Variants in ZSCAN25 observed in about 807,000 individuals in gnomAD.
ZSCAN25 encodes zinc finger and SCAN domain-containing protein 25.
Under a neutral mutation model 38.7 loss-of-function variants are expected in ZSCAN25, and 27 were observed. That is an observed-to-expected ratio of 0.70 (90% confidence interval 0.51 to 0.96). The LOEUF (loss-of-function observed/expected upper bound fraction) is 0.96, where lower values mean the gene tolerates loss of function less well. Ranked by LOEUF, ZSCAN25 falls within the 40% of genes least tolerant of loss-of-function variation. The pLI, the probability that ZSCAN25 is intolerant of heterozygous loss-of-function variation, is 0.00. For missense variants in ZSCAN25, 637 were observed against 705.9 expected (o/e 0.90, Z 1.11); for synonymous variants, 273 against 277.7 (o/e 0.98, Z 0.17).
At chr7:99,617,269 C>A (rs868514988) in intron 1 of ZSCAN25, among the ~76,000 whole-genome samples, 5 of 152,240 alleles carry the variant, frequency 3.3e-5, no homozygotes, top group African/African-American at 9.6e-5. Context: ...CCCGCTCTGC[C>A]AGGCTTGGCT....
the ZSCAN25 span, among the ~76,000 whole-genome samples, chr7:99,641,399 G>A: frequency 2.6e-5 from 4 of 152,178 alleles, no homozygotes; most frequent in African/African-American, 7.2e-5. Context: ...ACCTTCCTTC[G>A]GGTCCCTCCT....
the ZSCAN25 span, among the ~76,000 whole-genome samples, chr7:99,708,807 T>C: frequency 1.4e-4 from 22 of 152,338 alleles, no homozygotes; most frequent in African/African-American, 5.3e-4. Flanking sequence ...AAGGACATAA[T>C]TGAGGACCTT....
the ZSCAN25 span, chr7:99,735,220 T>C: frequency 7.7e-7 from 1 of 1,305,778 alleles, no homozygotes; most frequent in South Asian, 1.2e-5. Context: ...TGTTGGATTG[T>C]TTATATGCTG....
chr7:99,657,727 T>C, the ZSCAN25 span, among the ~76,000 whole-genome samples: 1 of 152,222 alleles, frequency 6.6e-6, no homozygotes, highest in Non-Finnish European at 1.5e-5. Context: ...TAACTCTCTT[T>C]GTAAGTCTCT....
At chr7:99,634,540 A>C (rs10231168), downstream of ZSCAN25, among the ~76,000 whole-genome samples, 4,823 of 152,296 alleles carry the variant, frequency 0.032, 239 homozygotes, top group African/African-American at 0.1. Flanking sequence ...CTGTAATCCC[A>C]GCACTTTGGG....
Position 99,629,623 on chromosome 7 carries a change from G to C in ZSCAN25, c.1238G>C (p.Ser413Thr). ...TGCAGCGAGTGCTGGAAAACCTTCA[G>C]CCAGAGACACCACCTGGAGGTGCAC... Reference protein sequence around the residue: ...YVCSECWKTFSQRHHLEVHQR... With the variant: ...YVCSECWKTFTQRHHLEVHQR... Residue 413 changes from serine to threonine, a missense_variant, in exon 8 of 8, where the codon AGC becomes ACC. Physicochemically the swap from Ser to Thr is moderately conservative, Grantham distance 58. Coordinates refer to ENST00000394152, the MANE Select transcript of ZSCAN25 (RefSeq NM_145115.3). The surrounding 1 kb of genome is among the most constrained non-coding windows in gnomAD (Gnocchi z 5.6). The C allele has an allele frequency of 6.2e-7, 1 of 1,614,126 alleles. No individual in the cohort carries two copies. The highest frequency in any genetic ancestry group is 8.5e-7 in the Non-Finnish European group (1 of 1,180,034).
At chr7:99,628,681 G>T (rs1218830816) in intron 7 of ZSCAN25, among the ~76,000 whole-genome samples, 2 of 152,234 alleles carry the variant, frequency 1.3e-5, no homozygotes, top group African/African-American at 4.8e-5. Context: ...TGGTTAGGCA[G>T]AGGGAGCATG....
In ZSCAN25 at chr7:99,619,571, G is replaced by GCAGT; in HGVS notation, c.-33_-30dup. The GCAGT allele has an allele frequency of 1.9e-6, 3 of 1,573,144 alleles. No homozygotes were observed. The highest frequency in any genetic ancestry group is 2.6e-6 in the Non-Finnish European group (3 of 1,159,516). ...TCTTGTTCTCAAAAGGGTCATTGAT[G>GCAGT]CAGTCATTCTCAGTCTCCTCGGAGG... is the stretch of plus-strand genomic sequence containing the variant. On this transcript the variant is annotated 5_prime_UTR_variant, in exon 4 of 8. The change abolishes the stop of an existing upstream ORF in the 5' untranslated region. Coordinates refer to ENST00000394152, the MANE Select transcript of ZSCAN25 (RefSeq NM_145115.3).
chr7:99,663,724 A>C, the ZSCAN25 span: 1 of 1,121,172 alleles, frequency 8.9e-7, no homozygotes, highest in East Asian at 5.6e-5. Flanking sequence ...TTTTATCTCA[A>C]TACTGTTTAT....
chr7:99,731,865 T>C, the ZSCAN25 span, among the ~76,000 whole-genome samples: 3 of 152,164 alleles, frequency 2.0e-5, no homozygotes, highest in Non-Finnish European at 4.4e-5. Context: ...GAGGATCTGA[T>C]TGATTTGAGC....
chr7:99,672,666 G>A, the ZSCAN25 span: 6 of 1,613,966 alleles, frequency 3.7e-6, no homozygotes, highest in Non-Finnish European at 3.4e-6. Context: ...ACAGGGAGTT[G>A]ACCTTCATAC....
chr7:99,689,571 A>T, the ZSCAN25 span, among the ~76,000 whole-genome samples: 1 of 152,128 alleles, frequency 6.6e-6, no homozygotes, highest in African/African-American at 2.4e-5. Flanking sequence ...CTCAGCCCAA[A>T]ATCTCCTTAA....
the ZSCAN25 span, chr7:99,663,833 C>G: frequency 1.5e-6 from 2 of 1,364,508 alleles, no homozygotes; most frequent in Non-Finnish European, 1.9e-6. Context: ...TTATTTCTAC[C>G]AAATGGCTTC....
At chr7:99,673,233 G>A in the ZSCAN25 span, among the ~76,000 whole-genome samples, 15 of 152,178 alleles carry the variant, frequency 9.9e-5, no homozygotes, top group Admixed American at 9.8e-4. Context: ...CACAGTCAGC[G>A]CTGTGGATTC....
chr7:99,713,174 G>T, the ZSCAN25 span, among the ~76,000 whole-genome samples: 19 of 152,282 alleles, frequency 1.2e-4, no homozygotes, highest in African/African-American at 4.6e-4. Context: ...TTAATTCTGT[G>T]GATCTGGAGG....
chr7:99,634,354 A>G (rs558520631), downstream of ZSCAN25, among the ~76,000 whole-genome samples: 7 of 152,344 alleles, frequency 4.6e-5, no homozygotes, highest in Non-Finnish European at 8.8e-5. Context: ...TTTGTTTCTT[A>G]AAAAATAAGC....
the ZSCAN25 span, among the ~76,000 whole-genome samples, chr7:99,716,464 T>G: frequency 6.6e-6 from 1 of 152,204 alleles, no homozygotes; most frequent in Admixed American, 6.5e-5. Flanking sequence ...TGAGCTGAGG[T>G]TGCCCTGATG....
chr7:99,683,330 A>G, the ZSCAN25 span, among the ~76,000 whole-genome samples: 1 of 152,302 alleles, frequency 6.6e-6, no homozygotes, highest in Non-Finnish European at 1.5e-5. Flanking sequence ...TAGGGAGTAT[A>G]TGTTTTTTTG....
At chr7:99,639,846 A>T in the ZSCAN25 span, among the ~76,000 whole-genome samples, 3 of 151,992 alleles carry the variant, frequency 2.0e-5, no homozygotes, top group African/African-American at 7.3e-5. Context: ...TGGGAGGATC[A>T]CTTGAGCCCA....
Sources: allele counts gnomAD v4.1 joint callset (sites outside exome capture counted in the v4.1 genomes callset), GRCh38; gene constraint gnomAD v4.1.1; non-coding constraint Gnocchi (gnomAD v3.1); transcripts MANE v1.5; gene names NCBI Gene and HGNC (gene_info 2026-07-23, HGNC 2026-07-21).